The following POU6F2 variants were observed in gnomAD, a reference collection of about 807,000 sequenced individuals.
POU6F2 encodes POU class 6 homeobox 2.
Under a neutral mutation model 71.3 loss-of-function variants are expected in POU6F2, and 31 were observed. That is an observed-to-expected ratio of 0.43 (90% CI 0.33 to 0.59). The LOEUF (loss-of-function observed/expected upper bound fraction) is 0.59, where lower values mean the gene tolerates loss of function less well. Among genes scored for constraint, POU6F2 ranks in the 20% least tolerant of loss-of-function variants. POU6F2 has a pLI of 0.04. For synonymous variants in POU6F2, 347 were observed against 355.7 expected (o/e 0.98, Z 0.27); for missense variants, 783 against 856.8 (o/e 0.91, Z 1.07).
At chr7:39,376,827 A>G (rs1410819715) in intron 5 of POU6F2, among the ~76,000 whole-genome samples, 1 of 151,564 alleles carries the variant, frequency 6.6e-6, no homozygotes, top group East Asian at 1.9e-4. Flanking sequence ...GTTTATTTTT[A>G]GAATTATTTT....
intron 4 of POU6F2, among the ~76,000 whole-genome samples, chr7:39,266,680 G>A (rs774403627): frequency 5.1e-5 from 7 of 138,254 alleles, no homozygotes; most frequent in Non-Finnish European, 1.1e-4. Context: ...ACAGGCATGA[G>A]CCACCGCACC....
At chr7:39,012,969 T>A (rs1237030041) in intron 1 of POU6F2, 1 of 152,308 alleles carries the variant, frequency 6.6e-6, no homozygotes, top group African/African-American at 2.4e-5. Context: ...AGGTTACTAC[T>A]GCTGTCTTTT....
chr7:39,418,995 GTGTATATA>G (rs1389494613), intron 6 of POU6F2, among the ~76,000 whole-genome samples: 27 of 130,164 alleles, frequency 2.1e-4, no homozygotes, highest in African/African-American at 7.8e-4. Context: ...GTGTATATAT[GTGTATATA>G]TGTGTATATA....
intron 4 of POU6F2, among the ~76,000 whole-genome samples, chr7:39,269,939 G>T (rs1017811540): frequency 4.6e-5 from 7 of 152,150 alleles, no homozygotes; most frequent in Non-Finnish European, 1.0e-4. Flanking sequence ...TCAATGTCAG[G>T]ACTAAGTCAA....
Position 39,451,575 on chromosome 7 carries a change from C to T in POU6F2, c.1363C>T (p.Gln455Ter). ...GACGTCAGTGGGTCAAGCAGCCTCC[C>T]AAGGCAACCTTCTGCACCTGGCTCA... ...SQTSVGQAAS[Q>*]GNLLHLAHSQ... is the part of the protein sequence containing the mutation. Residue 455 changes from glutamine (Q) to a stop codon, truncating the protein, a stop_gained, in exon 8 of 10, where the codon CAA (glutamine) becomes TAA (stop). Coordinates refer to ENST00000518318, the MANE Select transcript of POU6F2 (RefSeq NM_001370959.1). LOFTEE classifies it high-confidence loss of function. 1 of 1,613,806 alleles carries T rather than the reference C, an allele frequency of 6.2e-7. No individual in the cohort carries two copies. The highest frequency in any genetic ancestry group is 8.5e-7 in the Non-Finnish European group (1 of 1,179,830).
chr7:39,313,284 T>A (rs1244202377), intron 4 of POU6F2, among the ~76,000 whole-genome samples: 2 of 152,128 alleles, frequency 1.3e-5, no homozygotes, highest in Non-Finnish European at 2.9e-5. Flanking sequence ...CAAGGGTTCT[T>A]CACCACTTGT....
intron 4 of POU6F2, among the ~76,000 whole-genome samples, chr7:39,281,644 A>G (rs1784564685): frequency 6.6e-6 from 1 of 152,100 alleles, no homozygotes; most frequent in South Asian, 2.1e-4. Flanking sequence ...ATCCTTTTTT[A>G]TGGCAGAATT....
chr7:38,992,302 G>A (rs1788625785), intron 1 of POU6F2, among the ~76,000 whole-genome samples: 1 of 152,278 alleles, frequency 6.6e-6, no homozygotes, highest in East Asian at 1.9e-4. Context: ...TCATTTCAGA[G>A]TGTATAAATG....
chr7:39,375,037 C>A (rs1786684306), intron 5 of POU6F2, among the ~76,000 whole-genome samples: 1 of 152,188 alleles, frequency 6.6e-6, no homozygotes, highest in Non-Finnish European at 1.5e-5. Flanking sequence ...ATTTTCCCAG[C>A]CAGGCTGACC....
intron 1 of POU6F2, among the ~76,000 whole-genome samples, chr7:38,992,068 C>T (rs1421691273): frequency 6.6e-6 from 1 of 152,142 alleles, no homozygotes; most frequent in African/African-American, 2.4e-5. Flanking sequence ...TCTCCTACTT[C>T]CCATACAACT....
intron 1 of POU6F2, among the ~76,000 whole-genome samples, chr7:39,060,260 T>C (rs1283705377): frequency 6.6e-6 from 1 of 151,974 alleles, no homozygotes; most frequent in African/African-American, 2.4e-5. Context: ...TATGATTCCA[T>C]TCATATGAGA....
chr7:39,003,924 A>G (rs900685358), intron 1 of POU6F2, among the ~76,000 whole-genome samples: 12 of 152,192 alleles, frequency 7.9e-5, no homozygotes, highest in East Asian at 1.9e-4. Flanking sequence ...AAAAGTGTAG[A>G]AAAAAAGACC....
chr7:39,241,451 T>C lies in POU6F2; in HGVS notation c.598+33831T>C, dbSNP rs79936486. ...GAGGGATTTTCTGAAGATGTCACTG[T>C]GTGCTGGTGTGGTGAAGGTGTCACT... On this transcript the variant is annotated intron_variant, in intron 4 of 9. Coordinates refer to ENST00000518318, the MANE Select transcript of POU6F2 (RefSeq NM_001370959.1). 4.2e-3 allele frequency among the ~76,000 whole-genome samples: 633 copies of C among 152,282 alleles called. 5 individuals carry two copies. The highest frequency in any genetic ancestry group is 0.015 in the African/African-American group (614 of 41,556).
At chr7:38,994,030 G>A (rs918887017) in intron 1 of POU6F2, among the ~76,000 whole-genome samples, 2 of 152,012 alleles carry the variant, frequency 1.3e-5, no homozygotes, top group African/African-American at 2.4e-5. Context: ...ATAAAAAGGC[G>A]AACCCGTCAA....
At chr7:38,993,253 A>T (rs1010222941) in intron 1 of POU6F2, among the ~76,000 whole-genome samples, 4 of 152,040 alleles carry the variant, frequency 2.6e-5, no homozygotes, top group African/African-American at 9.7e-5. Context: ...ATTCTTTTTA[A>T]TGAAATAAGT....
At chr7:39,357,285 A>G (rs1266269550) in intron 5 of POU6F2, among the ~76,000 whole-genome samples, 1 of 152,224 alleles carries the variant, frequency 6.6e-6, no homozygotes, top group Non-Finnish European at 1.5e-5. Flanking sequence ...ACAAGGATCC[A>G]GTTTAAAAAA....
At position 39,467,314 on chromosome 7, in the gene POU6F2, T is replaced by C. The variant is rs1789094973; in HGVS notation, c.*2628T>C. 1 of 152,200 alleles carries C rather than the reference T, an allele frequency of 6.6e-6. No individual in the cohort carries two copies. Among genetic ancestry groups the C allele is most frequent in the African/African-American group, 2.4e-5 (1 of 41,464 alleles). 9.4% of individuals were successfully genotyped at this position (152,200 alleles called of 1,614,324 possible). On this transcript the variant is annotated 3_prime_UTR_variant, in exon 10 of 10. Coordinates refer to ENST00000518318, the MANE Select transcript of POU6F2 (RefSeq NM_001370959.1). ...TGAACCGATTCTTAGGAATATAAAT[T>C]ATACTGTGTAACTCATAAGTCTTTG...
rs145403612 is a variant in POU6F2 at position 39,339,865 on chromosome 7, G to T, written c.822G>T (p.Ala274=). 27 of 1,610,760 alleles carry T rather than the reference G, an allele frequency of 1.7e-5. No individual in the cohort carries two copies. Among genetic ancestry groups the T allele is most frequent in the Admixed American group, 3.4e-5 (2 of 59,428 alleles). The change falls in exon 5 of 10, where the codon GCG becomes GCT. Residue 274 remains alanine, a synonymous_variant. Coordinates refer to ENST00000518318, the MANE Select transcript of POU6F2 (RefSeq NM_001370959.1). ...PPAPTSQLQQ[A]PQPQQHQPHS... ...CTCCTACATCTCAGCTGCAACAGGC[G>T]CCTCAGCCCCAGCAGCACCAACCCC...
chr7:39,073,042 T>C (rs1003363606), intron 1 of POU6F2, among the ~76,000 whole-genome samples: 3 of 152,224 alleles, frequency 2.0e-5, no homozygotes, highest in African/African-American at 7.2e-5. Context: ...ACTTTTTTTA[T>C]GGTAGCTAAT....
Sources: allele counts gnomAD v4.1 joint callset (sites outside exome capture counted in the v4.1 genomes callset), GRCh38; gene constraint gnomAD v4.1.1; transcripts MANE v1.5; gene names NCBI Gene and HGNC (gene_info 2026-07-23, HGNC 2026-07-21).